Variants in MYT1L observed in about 807,000 individuals in gnomAD.
The protein encoded by MYT1L is myelin transcription factor 1 like.
Under a neutral mutation model 126.7 loss-of-function variants are expected in MYT1L, and 12 were observed. The ratio of observed to expected loss-of-function variants is 0.09; its 90% CI spans 0.06 to 0.15. The LOEUF (loss-of-function observed/expected upper bound fraction) is 0.15, where lower values mean the gene tolerates loss of function less well. Ranked by LOEUF, MYT1L falls within the 10% of genes least tolerant of loss-of-function variation. The probability of loss-of-function intolerance (pLI) is 1.00; values close to 1 mark genes in which losing one functional copy is unlikely to be tolerated. For synonymous variants in MYT1L, 541 were observed against 604.2 expected, an observed-to-expected ratio of 0.90 and a Z score of 1.53; for missense variants, 979 against 1,585.2, an observed-to-expected ratio of 0.62 and a Z score of 6.49.
At chr2:2,022,712 AAAAAG>A (rs769197043) in intron 4 of MYT1L, among the ~76,000 whole-genome samples, 2 of 152,128 alleles carry the variant, frequency 1.3e-5, no homozygotes, top group Non-Finnish European at 1.5e-5. Flanking sequence ...TGAAAAAAAA[AAAAAG>A]AAAAGTACAC....
intron 1 of MYT1L, among the ~76,000 whole-genome samples, chr2:2,287,172 C>T (rs1390445880): frequency 6.6e-6 from 1 of 152,138 alleles, no homozygotes; most frequent in East Asian, 1.9e-4. Context: ...AGGAGAATAG[C>T]TTGAACCTGG....
At chr2:1,942,867 G>A in intron 9 of MYT1L, 115 bp downstream of exon 9, 2 of 1,355,976 alleles carry the variant, frequency 1.5e-6, no homozygotes, top group Non-Finnish European at 2.0e-6. Flanking sequence ...TCTCAGTATT[G>A]ACCAAGAAGA....
intron 8 of MYT1L, among the ~76,000 whole-genome samples, chr2:1,966,056 G>A (rs1203398825): frequency 2.0e-4 from 30 of 152,236 alleles, no homozygotes; most frequent in Non-Finnish European, 1.5e-5. Flanking sequence ...CTCCTGTGCT[G>A]GGAACAAGAG....
chr2:2,265,810 A>G (rs1312980362), intron 2 of MYT1L, among the ~76,000 whole-genome samples: 1 of 152,342 alleles, frequency 6.6e-6, no homozygotes, highest in African/African-American at 2.4e-5. Context: ...ACGTTTGACA[A>G]TGACAATGAT....
At chr2:1,856,893 G>C (rs6741092) in intron 18 of MYT1L, among the ~76,000 whole-genome samples, 3 of 152,020 alleles carry the variant, frequency 2.0e-5, no homozygotes, top group Non-Finnish European at 4.4e-5. Flanking sequence ...GGCCAGGAAA[G>C]AGCCCACAGC....
At chr2:2,002,683 C>T (rs1256357480) in intron 4 of MYT1L, among the ~76,000 whole-genome samples, 2 of 152,044 alleles carry the variant, frequency 1.3e-5, no homozygotes, top group African/African-American at 4.8e-5. Flanking sequence ...GATATGTGTC[C>T]CCACCCAAAT....
intron 9 of MYT1L, among the ~76,000 whole-genome samples, chr2:1,937,347 A>T (rs2056050096): frequency 6.6e-6 from 1 of 152,188 alleles, no homozygotes; most frequent in African/African-American, 2.4e-5. Flanking sequence ...GTCTGCAGCC[A>T]TCAGATCGCA....
chr2:2,172,355 A>G (rs978918772), intron 3 of MYT1L, among the ~76,000 whole-genome samples: 1 of 152,038 alleles, frequency 6.6e-6, no homozygotes, highest in Admixed American at 6.5e-5. Context: ...GGCCACCCCG[A>G]GGCATCCTCT....
In MYT1L at chr2:1,912,382, A is replaced by G. The variant is rs1039838601; in HGVS notation, c.1619-272T>C. Reference sequence around the variant, plus strand: ...AGAGAAAGAAGGTTGACGGGACTCTATGCTAAGGGCCTCACACAGCAGAGG... The same window carrying G: ...AGAGAAAGAAGGTTGACGGGACTCTGTGCTAAGGGCCTCACACAGCAGAGG... On this transcript the variant is annotated intron_variant, in intron 11 of 24. Coordinates refer to ENST00000647738, the MANE Select transcript of MYT1L (RefSeq NM_001303052.2). This position sits in a 1 kb window ranked among gnomAD's most constrained non-coding sequence, Gnocchi z 4.3. 2.6e-5 allele frequency among the ~76,000 whole-genome samples: 4 copies of G among 152,216 alleles called. No homozygotes were observed. The highest frequency in any genetic ancestry group is 1.3e-4 in the Admixed American group (2 of 15,282).
intron 2 of MYT1L, among the ~76,000 whole-genome samples, chr2:2,237,415 C>A (rs1443251451): frequency 6.6e-6 from 1 of 152,172 alleles, no homozygotes; most frequent in African/African-American, 2.4e-5. Context: ...ACTAATGTCT[C>A]CTCGCATCAC....
intron 1 of MYT1L, among the ~76,000 whole-genome samples, chr2:2,315,664 T>C (rs1410557440): frequency 6.6e-6 from 1 of 152,168 alleles, no homozygotes; most frequent in Non-Finnish European, 1.5e-5. Flanking sequence ...AGTTTGAATT[T>C]GTGTACAAGA....
At chr2:2,089,316 G>A (rs2076671007) in intron 3 of MYT1L, among the ~76,000 whole-genome samples, 1 of 152,198 alleles carries the variant, frequency 6.6e-6, no homozygotes, top group South Asian at 2.1e-4. Context: ...AGGAAGTACT[G>A]CAGAAGGGCT....
At chr2:1,918,036 C>T (rs1405696976) in intron 10 of MYT1L, among the ~76,000 whole-genome samples, 1 of 152,110 alleles carries the variant, frequency 6.6e-6, no homozygotes, top group Non-Finnish European at 1.5e-5. Flanking sequence ...TTCATCTGTA[C>T]TTGGAACCAG....
chr2:1,848,223 C>A lies in MYT1L; in HGVS notation c.2774+3418G>T, dbSNP rs1394498849. 6.6e-6 allele frequency among the ~76,000 whole-genome samples: 1 copy of A among 152,212 alleles called. No individual in the cohort carries two copies. Among genetic ancestry groups the A allele is most frequent in the East Asian group, 1.9e-4 (1 of 5,198 alleles). On this transcript the variant is annotated intron_variant, in intron 19 of 24. Coordinates refer to ENST00000647738, the MANE Select transcript of MYT1L (RefSeq NM_001303052.2). This position sits in a 1 kb window ranked among gnomAD's most constrained non-coding sequence, Gnocchi z 4.8. ...GGGAGCTGGGAATGCTCTGCAACTG[C>A]AGACAGAATTGGAGTGTGTGCCTTT...
chr2:1,800,696 TAC>T (rs1368403012), intron 23 of MYT1L, among the ~76,000 whole-genome samples: 1 of 152,130 alleles, frequency 6.6e-6, no homozygotes, highest in African/African-American at 2.4e-5. Context: ...CCTCTGCATT[TAC>T]AGAGCGGGGA....
chr2:1,928,017 A>G (rs1308119355), intron 9 of MYT1L, among the ~76,000 whole-genome samples: 1 of 152,122 alleles, frequency 6.6e-6, no homozygotes, highest in Non-Finnish European at 1.5e-5. Flanking sequence ...GCAGTGGCAC[A>G]ATCACAGCTC....
rs996100340 is a variant in MYT1L at position 1,978,101 on chromosome 2, G to A, written c.152+1064C>T. 4.6e-5 allele frequency among the ~76,000 whole-genome samples: 7 copies of A among 152,200 alleles called. No homozygotes were observed. The East Asian group carries it at 1.3e-3, about 29-fold the overall frequency. On this transcript the variant is annotated intron_variant, in intron 8 of 24. Coordinates refer to ENST00000647738, the MANE Select transcript of MYT1L (RefSeq NM_001303052.2). Reference sequence around the variant, plus strand: ...TTGCCTCCACAAATGCTAGAATGGGGATTTGGGAGTAATTTGTAATTTTTC... The same window carrying A: ...TTGCCTCCACAAATGCTAGAATGGGAATTTGGGAGTAATTTGTAATTTTTC...
intron 8 of MYT1L, among the ~76,000 whole-genome samples, chr2:1,960,087 C>T (rs80138545): frequency 0.017 from 2,560 of 152,300 alleles, 68 homozygotes; most frequent in African/African-American, 0.058. Flanking sequence ...GATGAAACCT[C>T]AGAGGATTTA....
Position 1,840,753 on chromosome 2 carries a change from C to T in MYT1L, c.2858+7G>A. On this transcript the variant is annotated splice_region_variant and intron_variant, in intron 20 of 24. Transcript: ENST00000647738. The stretch of plus-strand genomic sequence containing the variant: ...GCTATGGTTCTCAGCCCCACTGGTG[C>T]TCATACCTGATGGGTTCTTGATCTT... The T allele has an allele frequency of 1.9e-6, 3 of 1,547,478 alleles. No homozygotes were observed. The highest frequency in any genetic ancestry group is 1.2e-5 in the South Asian group (1 of 83,912).
Sources: gnomAD v4.1 joint callset for allele counts (sites outside exome capture counted in the v4.1 genomes callset) on GRCh38, gnomAD v4.1.1 for gene constraint, Gnocchi (gnomAD v3.1) non-coding constraint, MANE v1.5 for transcripts, NCBI Gene and HGNC (gene_info 2026-07-23, HGNC 2026-07-21) for gene names.